Variants in MGAM observed in about 807,000 individuals in gnomAD.
MGAM encodes the protein alpha-1,4-glucosidase.
A neutral mutation model predicts 358.8 loss-of-function variants in MGAM; 253 were observed. That is an observed-to-expected ratio of 0.71 (90% CI 0.64 to 0.78). The LOEUF (loss-of-function observed/expected upper bound fraction) is 0.78, where lower values mean the gene tolerates loss of function less well. Ranked by LOEUF, MGAM falls within the 30% of genes least tolerant of loss-of-function variation. The pLI is 0.00. For missense variants in MGAM, 3,080 were observed against 3,432.6 expected, an observed-to-expected ratio of 0.90 and a Z score of 2.57; for synonymous variants, 1,105 against 1,227.1, an observed-to-expected ratio of 0.90 and a Z score of 2.08.
At chr7:142,036,335 CT>C (rs1807994320) in intron 17 of MGAM, 50 bp downstream of exon 17, 6 of 1,355,586 alleles carry the variant, frequency 4.4e-6, no homozygotes, top group Non-Finnish European at 6.2e-6. Context: ...TACATTAGGA[CT>C]AGATCTGTCT....
chr7:142,006,428 T>C (rs1363893263), intron 2 of MGAM, among the ~76,000 whole-genome samples: 1 of 152,134 alleles, frequency 6.6e-6, no homozygotes, highest in Non-Finnish European at 1.5e-5. Flanking sequence ...AGCACTCTCA[T>C]GATGAGCAGA....
At chr7:141,991,877 G>C (rs1160449586), upstream of MGAM, among the ~76,000 whole-genome samples, 1 of 152,190 alleles carries the variant, frequency 6.6e-6, no homozygotes, top group Non-Finnish European at 1.5e-5. Context: ...GCACCACAAT[G>C]ATTATACCTT....
chr7:142,004,362 T>TA (rs1804979440), intron 1 of MGAM: 1 of 152,012 alleles, frequency 6.6e-6, no homozygotes, highest in Non-Finnish European at 1.5e-5. Context: ...TACTCATCCA[T>TA]AAAAAACAAT....
chr7:142,045,907 TATGTAATATATATATTATGTATACATAC>T, intron 21 of MGAM, among the ~76,000 whole-genome samples: 1 of 88,876 alleles, frequency 1.1e-5, no homozygotes, highest in African/African-American at 4.1e-5. Flanking sequence ...ATACATACAA[TATGTAATATATATATTATGTATACATAC>T]AATATGTAAT....
intron 34 of MGAM, 34 bp from the exon 35 acceptor site, chr7:142,062,534 T>A (rs1220530136): frequency 2.6e-6 from 4 of 1,526,746 alleles, no homozygotes; most frequent in Non-Finnish European, 3.5e-6. Flanking sequence ...TCTATATTTG[T>A]GTGGGACAAA....
chr7:142,064,652 C>T lies in MGAM; in HGVS notation c.4484+130C>T, dbSNP rs115194328. 2.3e-3 allele frequency: 2,997 copies of T among 1,310,122 alleles called. 77 individuals are homozygous for T. In the African/African-American group the frequency reaches 0.039, roughly 17 times the overall value. The allele number at this position is 1,310,122 out of a possible 1,614,324, so 81.2% of individuals were successfully genotyped here. ...AGATTCTCATAACTCTGTAATGATT[C>T]TTATTTATTAAACAAATGCTCATTG... On this transcript the variant is annotated intron_variant, in intron 37 of 70. Coordinates refer to ENST00000475668, the MANE Select transcript of MGAM (RefSeq NM_001365693.1).
chr7:142,083,979 GTGA>G (rs1417722016), intron 53 of MGAM, among the ~76,000 whole-genome samples: 1 of 145,624 alleles, frequency 6.9e-6, no homozygotes, highest in Admixed American at 6.9e-5. Context: ...GGTGAAAATA[GTGA>G]TGATGGTGGT....
In MGAM at chr7:142,106,302, A is replaced by C. The variant is rs1233058757; in HGVS notation, c.*411A>C. The stretch of plus-strand genomic sequence containing the variant: ...TCTTGAAGCTAATCAGCATCTCAAG[A>C]AAGTATCCAGAAAGAACATCTGCTA... On this transcript the variant is annotated 3_prime_UTR_variant, in exon 71 of 71. Transcript: ENST00000475668. 5.2e-5 allele frequency: 8 copies of C among 155,202 alleles called. No individual in the cohort carries two copies. The highest frequency in any genetic ancestry group is 1.1e-4 in the Non-Finnish European group (8 of 69,824). 9.6% of individuals were successfully genotyped at this position (155,202 alleles called of 1,614,324 possible). A position where few individuals can be genotyped will look rare whatever the true frequency, so the allele number is the denominator to read the frequency against.
Position 142,052,384 on chromosome 7 carries a change from T to A in MGAM, c.2896T>A (p.Cys966Ser), listed in dbSNP as rs1186847866. 1.9e-6 allele frequency: 3 copies of A among 1,613,066 alleles called. No individual in the cohort carries two copies. The highest frequency in any genetic ancestry group is 2.5e-6 in the Non-Finnish European group (3 of 1,179,510). The change falls in exon 25 of 71, where the codon TGT becomes AGT. Residue 966 changes from cysteine to serine, a missense_variant. Around this residue, in one of 5 missense-constraint regions of MGAM, gnomAD observed 1,816 missense variants for 1,840.5 expected, o/e 0.99. Coordinates refer to ENST00000475668, the MANE Select transcript of MGAM (RefSeq NM_001365693.1). Reference sequence around the variant, plus strand: ...GATAAGGGATGAAGAAAAAATAGACTGTTACCCTGATGAGAATGGTGCTTC... The same window carrying A: ...GATAAGGGATGAAGAAAAAATAGACAGTTACCCTGATGAGAATGGTGCTTC... The part of the protein sequence containing the change: ...IKIRDEEKID[C>S]YPDENGASAE...
At position 142,076,661 on chromosome 7, in the gene MGAM, C is replaced by G. The variant is rs1252285810; in HGVS notation, c.5328C>G (p.Asn1776Lys). 6.5e-7 allele frequency: 1 copy of G among 1,537,892 alleles called. No individual in the cohort carries two copies. The highest frequency in any genetic ancestry group is 2.3e-5 in the East Asian group (1 of 43,630). ...AATTGGAGTTAATTGTTTTGCAGAA[C>G]CACTTGGAGGTGACTATTTCACAAT... ...YLLCEFSVTQ[N>K]HLEVTISQST... The change falls in exon 47 of 71, where the codon AAC (asparagine) becomes AAG (lysine). Residue 1776 changes from asparagine (N) to lysine (K), a missense_variant and splice_region_variant. Around this residue, in one of 5 missense-constraint regions of MGAM, gnomAD observed 932 missense variants for 1,198.2 expected, o/e 0.78. Transcript: ENST00000475668.
intron 1 of MGAM, 85 bp from the exon 2 acceptor site, chr7:142,005,444 T>C (rs1554452009): frequency 3.0e-6 from 3 of 998,362 alleles, no homozygotes; most frequent in African/African-American, 3.3e-5. Context: ...ATTCATTGCA[T>C]ACATTTGAGC....
intron 3 of MGAM, 50 bp downstream of exon 3, chr7:142,008,755 GTTTA>G (rs1805367629): frequency 6.4e-7 from 1 of 1,567,518 alleles, no homozygotes; most frequent in Non-Finnish European, 8.7e-7. Context: ...CAACTTGATA[GTTTA>G]TTTTTTTTTG....
intron 25 of MGAM, among the ~76,000 whole-genome samples, 158 bp downstream of exon 25, chr7:142,052,604 G>A (rs116795299): frequency 1.6e-3 from 246 of 152,262 alleles, no homozygotes; most frequent in African/African-American, 5.7e-3. Flanking sequence ...GGACATGTGC[G>A]AAACTTCTTA....
Position 142,076,800 on chromosome 7 carries a change from A to C in MGAM, c.5467A>C (p.Thr1823Pro). The change falls in exon 47 of 71, where the codon ACA becomes CCA. Residue 1823 changes from threonine to proline, a missense_variant. Thr to Pro is a conservative substitution (Grantham distance 38, BLOSUM62 -1). Around this residue, in one of 5 missense-constraint regions of MGAM, gnomAD observed 932 missense variants for 1,198.2 expected, o/e 0.78. Coordinates refer to ENST00000475668, the MANE Select transcript of MGAM (RefSeq NM_001365693.1). Reference protein sequence around the residue: ...HNGVPSQTSPTVTYDSNLKVA... With the variant: ...HNGVPSQTSPPVTYDSNLKVA... ...TGGTGTCCCAAGTCAGACTTCTCCT[A>C]CAGTCACTTATGATTCTAACCTGAA... 6.4e-7 allele frequency: 1 copy of C among 1,555,026 alleles called. No homozygotes were observed.
Position 142,027,228 on chromosome 7 carries a change from G to A in MGAM, c.1095+1G>A. The A allele has an allele frequency of 6.3e-7, 1 of 1,596,286 alleles. No individual in the cohort carries two copies. Among genetic ancestry groups the A allele is most frequent in the Non-Finnish European group, 8.6e-7 (1 of 1,164,104 alleles). On this transcript the variant is annotated splice_donor_variant, in intron 9 of 70. Coordinates refer to ENST00000475668, the MANE Select transcript of MGAM (RefSeq NM_001365693.1). LOFTEE classifies it high-confidence loss of function. ...GCAAGTTGTTCAAGAATATCTAGAGGTAAACTTAGGATGTCAAGATTATGA... is the reference window on the plus strand; with the variant it reads ...GCAAGTTGTTCAAGAATATCTAGAGATAAACTTAGGATGTCAAGATTATGA...
intron 58 of MGAM, among the ~76,000 whole-genome samples, 175 bp downstream of exon 58, chr7:142,092,222 T>C (rs1253604607): frequency 6.8e-6 from 1 of 146,344 alleles, no homozygotes; most frequent in Non-Finnish European, 1.5e-5. Context: ...TCACACCTTC[T>C]ACCAGACCTG....
intron 45 of MGAM, among the ~76,000 whole-genome samples, chr7:142,075,872 G>A (rs1193735679): frequency 6.9e-6 from 1 of 145,770 alleles, no homozygotes; most frequent in Non-Finnish European, 1.6e-5. Flanking sequence ...AAAATAGAAT[G>A]GAGGTTCCTC....
chr7:142,104,268 C>T (rs933402244), intron 70 of MGAM, among the ~76,000 whole-genome samples: 2 of 152,130 alleles, frequency 1.3e-5, no homozygotes, highest in Admixed American at 6.6e-5. Context: ...AGTGGAGATA[C>T]ATTGATGATT....
At position 142,054,861 on chromosome 7, in the gene MGAM, G is replaced by T; in HGVS notation, c.3267G>T (p.Lys1089Asn). ...AACTCTATGATGTGCTCATTAAGAA[G>T]AATCCATTTGGGATTGAAATTCGCC... ...EGQLYDVLIK[K>N]NPFGIEIRRK... The change falls in exon 27 of 71, where the codon AAG becomes AAT. Residue 1089 changes from lysine to asparagine, a missense_variant. Lys to Asn is a moderately conservative substitution (Grantham distance 94). Around this residue, in one of 5 missense-constraint regions of MGAM, gnomAD observed 1,816 missense variants for 1,840.5 expected, o/e 0.99. Coordinates refer to ENST00000475668, the MANE Select transcript of MGAM (RefSeq NM_001365693.1). The T allele has an allele frequency of 1.9e-6, 3 of 1,613,932 alleles. No individual in the cohort carries two copies.
Sources: gnomAD v4.1 joint callset for allele counts (sites outside exome capture counted in the v4.1 genomes callset) on GRCh38, gnomAD v4.1.1 for gene constraint, gnomAD v4.1.1 regional missense constraint, MANE v1.5 for transcripts, NCBI Gene and HGNC (gene_info 2026-07-23, HGNC 2026-07-21) for gene names.